Variants in EIF4B observed in about 807,000 individuals in gnomAD.
EIF4B encodes the protein eukaryotic translation initiation factor 4B.
In EIF4B, 8 loss-of-function variants were observed where a neutral mutation model predicts 79.3. The ratio of observed to expected loss-of-function variants is 0.10; its 90% CI spans 0.06 to 0.18. The LOEUF is 0.18. Ranked by LOEUF, EIF4B falls within the 10% of genes least tolerant of loss-of-function variation. The probability of loss-of-function intolerance (pLI) is 1.00; values close to 1 mark genes in which losing one functional copy is unlikely to be tolerated. For missense variants in EIF4B, 515 were observed against 792.4 expected, an observed-to-expected ratio of 0.65 and a Z score of 4.20; for synonymous variants, 238 against 274.7, an observed-to-expected ratio of 0.87 and a Z score of 1.32.
chr12:53,032,863 G>A (rs1396414418), intron 8 of EIF4B, among the ~76,000 whole-genome samples: 1 of 151,790 alleles, frequency 6.6e-6, no homozygotes, highest in African/African-American at 2.4e-5. Flanking sequence ...TAGAGATGGG[G>A]TTTCTCCATA....
chr12:53,034,702 T>C lies in EIF4B; in HGVS notation c.1299T>C (p.Ser433=). The change falls in exon 10 of 15, where the codon TCT becomes TCC. Residue 433 remains serine (S), a synonymous_variant. Transcript: ENST00000262056. Reference sequence around the variant, plus strand: ...CACAAACTGGGACCTCCACCACATCTAGCAGAAGTAAGTCAGACCAGGGTG... The same window carrying C: ...CACAAACTGGGACCTCCACCACATCCAGCAGAAGTAAGTCAGACCAGGGTG... The part of the protein sequence containing the change: ...ESSQTGTSTT[S]SRNARRRESE... The C allele has an allele frequency of 6.2e-7, 1 of 1,614,024 alleles. No homozygotes were observed. The highest frequency in any genetic ancestry group is 8.5e-7 in the Non-Finnish European group (1 of 1,179,906).
At chr12:53,025,702 A>G (rs554973255) in intron 6 of EIF4B, among the ~76,000 whole-genome samples, 4 of 152,352 alleles carry the variant, frequency 2.6e-5, no homozygotes, top group Admixed American at 2.6e-4. Flanking sequence ...TACTAACATT[A>G]GCATGTTCTT....
chr12:53,039,770 C>CT (rs1943599730), intron 14 of EIF4B, 68 bp downstream of exon 14: 10 of 1,507,762 alleles, frequency 6.6e-6, no homozygotes, highest in Non-Finnish European at 8.9e-6. Context: ...AGTATTCTTA[C>CT]TAAGAATTAA....
At chr12:53,018,647 A>G in intron 2 of EIF4B, 151 bp from the exon 3 acceptor site, 1 of 669,018 alleles carries the variant, frequency 1.5e-6, no homozygotes, top group Non-Finnish European at 2.6e-6. Context: ...TTCTCTTCGT[A>G]AAGTGCCCTT....
intron 1 of EIF4B, among the ~76,000 whole-genome samples, chr12:53,010,560 C>T (rs1002139144): frequency 4.1e-5 from 2 of 49,076 alleles, no homozygotes; most frequent in Non-Finnish European, 1.0e-4. Flanking sequence ...TAATTCTAGG[C>T]ACTCTGGGTG....
chr12:53,039,917 T>A (rs2120994030), intron 14 of EIF4B: 2 of 732,812 alleles, frequency 2.7e-6, no homozygotes, highest in East Asian at 5.4e-5. Flanking sequence ...CTTCCTTTGT[T>A]CTCATCCCTT....
chr12:53,025,479 G>A (rs956022018), intron 6 of EIF4B: 2 of 240,420 alleles, frequency 8.3e-6, no homozygotes, highest in African/African-American at 4.6e-5. Context: ...ATTACACTCA[G>A]TATTCCTATG....
chr12:53,025,600 C>G (rs1181356793), intron 6 of EIF4B, among the ~76,000 whole-genome samples: 2 of 152,120 alleles, frequency 1.3e-5, no homozygotes, highest in African/African-American at 2.4e-5. Context: ...AAGTGTAAAT[C>G]GCATCTCCAG....
Position 53,040,070 on chromosome 12 carries a change from A to C in EIF4B, c.1756-73A>C, listed in dbSNP as rs569669845. 530 of 1,542,558 alleles carry C rather than the reference A, an allele frequency of 3.4e-4. 1 individual carries two copies. The African/African-American group carries it at 6.1e-3, about 18-fold the overall frequency. ...TGTCATCCCCCATTGCCAAAGGATC[A>C]GTATCCTGTGTCTTGGGTTTTGATG... On this transcript the variant is annotated intron_variant, in intron 14 of 14. Coordinates refer to ENST00000262056, the MANE Select transcript of EIF4B (RefSeq NM_001417.7).
At chr12:53,032,761 C>T (rs1236130728) in intron 8 of EIF4B, among the ~76,000 whole-genome samples, 8 of 151,068 alleles carry the variant, frequency 5.3e-5, no homozygotes, top group South Asian at 2.1e-4. Context: ...TCCGCCTCCC[C>T]GGTGGGTTCA....
At chr12:53,031,003 C>A (rs974175841) in intron 8 of EIF4B, among the ~76,000 whole-genome samples, 3 of 152,008 alleles carry the variant, frequency 2.0e-5, no homozygotes, top group Admixed American at 2.0e-4. Flanking sequence ...TCTTACCCCC[C>A]CATTCCCTCT....
Position 53,034,801 on chromosome 12 carries a change from C to A in EIF4B, c.1306+92C>A, listed in dbSNP as rs185205356. On this transcript the variant is annotated intron_variant, in intron 10 of 14. Coordinates refer to ENST00000262056, the MANE Select transcript of EIF4B (RefSeq NM_001417.7). ...GCAGAGACCCTGCAATATTTAAATT[C>A]AGTCATGAACTCTTTATTTGGGTTG... is the stretch of plus-strand genomic sequence containing the variant. 342 of 1,398,350 alleles carry A rather than the reference C, an allele frequency of 2.4e-4. 3 individuals carry two copies. The African/African-American group carries it at 4.3e-3, about 18-fold the overall frequency. The allele number at this position is 1,398,350 out of a possible 1,614,324, so 86.6% of individuals were successfully genotyped here. A position where few individuals can be genotyped will look rare whatever the true frequency, so the allele number is the denominator to read the frequency against.
In EIF4B at chr12:53,030,482, C is replaced by T. The variant is rs187382221; in HGVS notation, c.979+2294C>T. Among the ~76,000 whole-genome samples, 1,001 of 117,778 alleles carry T rather than the reference C, an allele frequency of 8.5e-3. 19 individuals carry two copies. Among genetic ancestry groups the T allele is most frequent in the African/African-American group, 0.029 (959 of 32,868 alleles). 77.3% of individuals were successfully genotyped at this position (117,778 alleles called of 152,430 possible). Reference sequence around the variant, plus strand: ...AGTTGCCCAGGCTAGAGTGCAATGGCGCGATCTCGGCTCACTGCAACCTCT... The same window carrying T: ...AGTTGCCCAGGCTAGAGTGCAATGGTGCGATCTCGGCTCACTGCAACCTCT... On this transcript the variant is annotated intron_variant, in intron 8 of 14. Coordinates refer to ENST00000262056, the MANE Select transcript of EIF4B (RefSeq NM_001417.7).
chr12:53,010,466 C>T (rs537919506), intron 1 of EIF4B, among the ~76,000 whole-genome samples: 3 of 152,166 alleles, frequency 2.0e-5, no homozygotes, highest in South Asian at 2.1e-4. Flanking sequence ...CTATATAGTG[C>T]AGTAAAGGTG....
Position 53,041,366 on chromosome 12 carries a change from A to C in EIF4B, c.*1143A>C, listed in dbSNP as rs1489505633. On this transcript the variant is annotated 3_prime_UTR_variant, in exon 15 of 15. Transcript: ENST00000262056. ...ATGGATGGTCTTGGATGATGGATAA[A>C]TAGGGACAGGGACAGTTAAATTGGG... 1 of 152,200 alleles carries C rather than the reference A, an allele frequency of 6.6e-6. No homozygotes were observed. Among genetic ancestry groups the C allele is most frequent in the East Asian group, 1.9e-4 (1 of 5,206 alleles). 9.4% of individuals were successfully genotyped at this position (152,200 alleles called of 1,614,324 possible).
At chr12:53,008,853 G>GGTGAAACTC (rs772905092) in intron 1 of EIF4B, among the ~76,000 whole-genome samples, 1 of 152,006 alleles carries the variant, frequency 6.6e-6, no homozygotes, top group Non-Finnish European at 1.5e-5. Flanking sequence ...TGACCAACAT[G>GGTGAAACTC]GTGAAACTCT....
chr12:53,009,667 C>G (rs1167931828), intron 1 of EIF4B, among the ~76,000 whole-genome samples: 2 of 152,162 alleles, frequency 1.3e-5, no homozygotes, highest in African/African-American at 4.8e-5. Flanking sequence ...TGCTGACTCT[C>G]ACAGTGAAAT....
Position 53,030,413 on chromosome 12 carries a change from C to CTTTTTTTTTTTTTTTTTTTTTTTTT in EIF4B, c.979+2226_979+2250dup, listed in dbSNP as rs759061266. On this transcript the variant is annotated intron_variant, in intron 8 of 14. Transcript: ENST00000262056. ...GAAATAGGTTTTAAAAAATTATATT[C>CTTTTTTTTTTTTTTTTTTTTTTTTT]TTTTTTTTTTTTTTTTTTTTTTTTT... 9.6e-3 allele frequency among the ~76,000 whole-genome samples: 414 copies of CTTTTTTTTTTTTTTTTTTTTTTTTT among 43,044 alleles called. 136 individuals carry two copies. Among genetic ancestry groups the CTTTTTTTTTTTTTTTTTTTTTTTTT allele is most frequent in the East Asian group, 0.019 (20 of 1,038 alleles). The allele number at this position is 43,044 out of a possible 152,430, so 28.2% of individuals were successfully genotyped here. A position where few individuals can be genotyped will look rare whatever the true frequency, so the allele number is the denominator to read the frequency against.
intron 8 of EIF4B, among the ~76,000 whole-genome samples, chr12:53,028,652 A>G (rs935846762): frequency 3.9e-5 from 6 of 151,984 alleles, no homozygotes; most frequent in African/African-American, 9.7e-5. Context: ...TAGATTTTTC[A>G]GTTAAAATTT....
Sources: allele counts gnomAD v4.1 joint callset (sites outside exome capture counted in the v4.1 genomes callset), GRCh38; gene constraint gnomAD v4.1.1; transcripts MANE v1.5; gene names NCBI Gene and HGNC (gene_info 2026-07-23, HGNC 2026-07-21).